The following TENM2 variants were observed in gnomAD, a reference collection of about 807,000 sequenced individuals.
TENM2 encodes teneurin transmembrane protein 2, also known as teneurin-2.
TENM2 carries 52 observed loss-of-function variants against 245.2 expected under a neutral mutation model. The observed-to-expected ratio is 0.21, with a 90% CI of 0.17 to 0.27. The LOEUF is 0.27. Ranked by LOEUF, TENM2 falls within the 10% of genes least tolerant of loss-of-function variation. The pLI, the probability that TENM2 is intolerant of heterozygous loss-of-function variation, is 1.00. For synonymous variants in TENM2, 1,363 were observed against 1,438.9 expected (o/e 0.95, Z 1.19); for missense variants, 3,046 against 3,666.8 (o/e 0.83, Z 4.37).
chr5:167,164,732 G>A, the TENM2 span, among the ~76,000 whole-genome samples: 4 of 152,242 alleles, frequency 2.6e-5, no homozygotes, highest in East Asian at 1.9e-4. Context: ...TTATTTTGAT[G>A]CTAATGGATT....
intron 23 of TENM2, 68 bp from the exon 26 acceptor site, chr5:168,226,020 T>G (rs1242011473): frequency 6.8e-7 from 1 of 1,463,618 alleles, no homozygotes; most frequent in African/African-American, 1.4e-5. Flanking sequence ...CCTGTGAGTC[T>G]TGGGAACACT....
At chr5:167,317,749 T>C (rs376045448) in intron 1 of TENM2, among the ~76,000 whole-genome samples, 13 of 152,304 alleles carry the variant, frequency 8.5e-5, no homozygotes, top group Admixed American at 2.0e-4. Flanking sequence ...CGGTTTCCTG[T>C]TCCTTTCCCT....
the TENM2 span, among the ~76,000 whole-genome samples, chr5:167,262,660 AT>A: frequency 6.6e-6 from 1 of 152,154 alleles, no homozygotes; most frequent in East Asian, 1.9e-4. Context: ...TATATTTTAT[AT>A]TTTTAAATAT....
At chr5:167,335,242 C>A (rs1004870932) in intron 1 of TENM2, among the ~76,000 whole-genome samples, 2 of 152,008 alleles carry the variant, frequency 1.3e-5, no homozygotes, top group African/African-American at 4.8e-5. Context: ...AAGAGAGGTG[C>A]CACACATTTT....
intron 5 of TENM2, among the ~76,000 whole-genome samples, chr5:168,016,629 C>T (rs1268631697): frequency 6.6e-6 from 1 of 152,138 alleles, no homozygotes; most frequent in Non-Finnish European, 1.5e-5. Context: ...TGCCTCTTGG[C>T]CTTGACCTCG....
intron 12 of TENM2, among the ~76,000 whole-genome samples, chr5:168,143,843 CTTTTTTTT>C (rs70976464): frequency 5.8e-4 from 60 of 102,710 alleles, no homozygotes; most frequent in East Asian, 4.0e-3. Flanking sequence ...TACTACACTT[CTTTTTTTT>C]TTTTTTTTTT....
At chr5:167,265,773 G>A in the TENM2 span, among the ~76,000 whole-genome samples, 33 of 152,060 alleles carry the variant, frequency 2.2e-4, no homozygotes, top group Non-Finnish European at 4.0e-4. Flanking sequence ...CAATTTCCAA[G>A]CACACATGTT....
At chr5:168,098,288 G>A (rs2152276613) in intron 9 of TENM2, among the ~76,000 whole-genome samples, 161 bp downstream of exon 11, 1 of 152,168 alleles carries the variant, frequency 6.6e-6, no homozygotes, top group South Asian at 2.1e-4. Flanking sequence ...GTAAAGAGTA[G>A]GCTTTGATTT....
At chr5:168,015,408 G>C (rs1785571871) in intron 5 of TENM2, among the ~76,000 whole-genome samples, 1 of 152,146 alleles carries the variant, frequency 6.6e-6, no homozygotes, top group South Asian at 2.1e-4. Flanking sequence ...CCAGTACCCG[G>C]GTAGCCAGAC....
At chr5:167,929,059 G>GAGAAAGAAAGAA (rs202034282) in intron 3 of TENM2, among the ~76,000 whole-genome samples, 8 of 77,510 alleles carry the variant, frequency 1.0e-4, no homozygotes, top group Non-Finnish European at 1.8e-4. Context: ...GAAAGAAAGA[G>GAGAAAGAAAGAA]AGAAAGAAAG....
At chr5:167,228,709 T>A in the TENM2 span, among the ~76,000 whole-genome samples, 2 of 151,602 alleles carry the variant, frequency 1.3e-5, no homozygotes, top group Non-Finnish European at 2.9e-5. Context: ...TTCTTCCAAT[T>A]TTTTTTTATT....
chr5:167,569,239 A>G (rs953547046), intron 2 of TENM2, among the ~76,000 whole-genome samples: 13 of 151,968 alleles, frequency 8.6e-5, no homozygotes, highest in Non-Finnish European at 1.0e-4. Flanking sequence ...TTTCCCCAAA[A>G]AAAGTGTTGC....
chr5:167,009,120 C>T, the TENM2 span, among the ~76,000 whole-genome samples: 5 of 151,792 alleles, frequency 3.3e-5, no homozygotes, highest in South Asian at 2.1e-4. Context: ...TCAACAGAGA[C>T]GTGAGCTCCA....
the TENM2 span, among the ~76,000 whole-genome samples, chr5:167,133,893 G>T: frequency 6.6e-6 from 1 of 151,446 alleles, no homozygotes; most frequent in African/African-American, 2.4e-5. Context: ...CACAAAATTT[G>T]TAAAGTTAAC....
At chr5:167,624,394 A>G (rs1176857701) in intron 2 of TENM2, among the ~76,000 whole-genome samples, 1 of 152,188 alleles carries the variant, frequency 6.6e-6, no homozygotes, top group African/African-American at 2.4e-5. Context: ...TAAAGATGAG[A>G]ACAATAGACA....
chr5:167,878,185 G>A (rs1348530958), intron 3 of TENM2, among the ~76,000 whole-genome samples: 1 of 152,050 alleles, frequency 6.6e-6, no homozygotes. Flanking sequence ...TTGTTGATAG[G>A]GTATTTATGT....
chr5:167,458,501 A>AC (rs944059953), intron 2 of TENM2, among the ~76,000 whole-genome samples: 8 of 141,750 alleles, frequency 5.6e-5, no homozygotes, highest in Non-Finnish European at 1.2e-4. Flanking sequence ...AAACAAAAAA[A>AC]AAAAAAAAAA....
intron 2 of TENM2, among the ~76,000 whole-genome samples, chr5:167,452,658 C>T (rs1266032304): frequency 6.6e-6 from 1 of 151,806 alleles, no homozygotes; most frequent in Non-Finnish European, 1.5e-5. Flanking sequence ...TTTAACACCT[C>T]TTTTATGACA....
chr5:167,383,483 C>A (rs1761216273), intron 2 of TENM2, among the ~76,000 whole-genome samples: 1 of 152,064 alleles, frequency 6.6e-6, no homozygotes, highest in African/African-American at 2.4e-5. Flanking sequence ...AGCTCTGAAC[C>A]AGTTCGAATC....
Sources: gnomAD v4.1 joint callset for allele counts (sites outside exome capture counted in the v4.1 genomes callset) on GRCh38, gnomAD v4.1.1 for gene constraint, MANE v1.5 for transcripts, NCBI Gene and HGNC (gene_info 2026-07-23, HGNC 2026-07-21) for gene names.